NTRK3: variants seen among roughly 807,000 people sequenced by gnomAD.
The protein encoded by NTRK3 is neurotrophic receptor tyrosine kinase 3.
NTRK3 carries 24 observed loss-of-function variants against 91.7 expected under a neutral mutation model. The ratio of observed to expected loss-of-function variants is 0.26; its 90% CI spans 0.19 to 0.37. The LOEUF (loss-of-function observed/expected upper bound fraction) is 0.37, where lower values mean the gene tolerates loss of function less well. Ranked by LOEUF, NTRK3 falls within the 10% of genes least tolerant of loss-of-function variation. The probability of loss-of-function intolerance (pLI) is 1.00; values close to 1 mark genes in which losing one functional copy is unlikely to be tolerated. For synonymous variants in NTRK3, 483 were observed against 404.0 expected (o/e 1.20, Z -2.34); for missense variants, 880 against 1,068.9 (o/e 0.82, Z 2.46).
At chr15:87,864,245 G>C (rs1183004173) in exon 19 of NTRK3, 1 of 232,336 alleles carries the variant, frequency 4.3e-6, no homozygotes, top group Non-Finnish European at 8.5e-6. Context: ...TGAAGTGAGA[G>C]AAAAATAACA....
At chr15:88,166,379 CTT>C (rs1186721166) in intron 5 of NTRK3, among the ~76,000 whole-genome samples, 1 of 152,212 alleles carries the variant, frequency 6.6e-6, no homozygotes, top group African/African-American at 2.4e-5. Flanking sequence ...GCACCTAACT[CTT>C]TGCTTGTGCC....
intron 3 of NTRK3, among the ~76,000 whole-genome samples, chr15:88,251,431 C>T (rs969117223): frequency 2.6e-5 from 4 of 152,220 alleles, no homozygotes; most frequent in Non-Finnish European, 5.9e-5. Flanking sequence ...TGATGGAGCT[C>T]ACAGGGAGTT....
intron 13 of NTRK3, among the ~76,000 whole-genome samples, chr15:88,037,327 C>T (rs1382832438): frequency 6.6e-6 from 1 of 152,046 alleles, no homozygotes; most frequent in Admixed American, 6.6e-5. Context: ...TTTGGGAGGC[C>T]GAGGTGAGCA....
At chr15:87,902,506 A>T (rs1017105321) in intron 17 of NTRK3, among the ~76,000 whole-genome samples, 3 of 152,212 alleles carry the variant, frequency 2.0e-5, no homozygotes, top group African/African-American at 7.2e-5. Flanking sequence ...ACAAAGAGAG[A>T]GGCAGAGAAT....
At chr15:87,933,058 T>C in exon 16 of NTRK3, 1 of 1,614,108 alleles carries the variant, frequency 6.2e-7, no homozygotes, top group African/African-American at 1.3e-5. Flanking sequence ...TCAAAGACCA[T>C]GATGAGGGGG....
chr15:88,198,598 G>T (rs1266690968), intron 3 of NTRK3, among the ~76,000 whole-genome samples: 1 of 152,208 alleles, frequency 6.6e-6, no homozygotes, highest in African/African-American at 2.4e-5. Flanking sequence ...GGCATTATCT[G>T]CCTGGCTTCC....
intron 15 of NTRK3, 108 bp downstream of exon 15, chr15:87,940,515 G>A: frequency 6.4e-7 from 1 of 1,557,756 alleles, no homozygotes; most frequent in Non-Finnish European, 8.8e-7. Context: ...GATTGCATCT[G>A]AGAAAGCCAA....
intron 3 of NTRK3, among the ~76,000 whole-genome samples, chr15:88,225,868 T>C (rs2050627509): frequency 6.6e-6 from 1 of 151,828 alleles, no homozygotes; most frequent in African/African-American, 2.4e-5. Context: ...TTCCTGGGGG[T>C]CCGATAGGCT....
chr15:87,870,139 C>G (rs2064786741), exon 19 of NTRK3: 1 of 184,394 alleles, frequency 5.4e-6, no homozygotes, highest in South Asian at 2.0e-4. Context: ...GTGGAATCAA[C>G]CCAAATGCCC....
intron 14 of NTRK3, among the ~76,000 whole-genome samples, chr15:87,973,831 C>G (rs975687584): frequency 1.3e-5 from 2 of 152,252 alleles, no homozygotes; most frequent in East Asian, 1.9e-4. Flanking sequence ...CCCCTCTCCC[C>G]CTCCCTGTCT....
At chr15:88,246,723 C>T (rs2052862928) in intron 3 of NTRK3, among the ~76,000 whole-genome samples, 1 of 152,238 alleles carries the variant, frequency 6.6e-6, no homozygotes, top group African/African-American at 2.4e-5. Flanking sequence ...GCCCAGCCAC[C>T]TCCTTCCCAG....
intron 13 of NTRK3, among the ~76,000 whole-genome samples, chr15:88,116,581 G>A (rs1428440351): frequency 6.6e-6 from 1 of 152,178 alleles, no homozygotes; most frequent in East Asian, 1.9e-4. Context: ...CCAGGTCGCA[G>A]GCCTGAAGTA....
chr15:88,062,537 G>A (rs1439516428), intron 13 of NTRK3, among the ~76,000 whole-genome samples: 1 of 152,146 alleles, frequency 6.6e-6, no homozygotes, highest in Non-Finnish European at 1.5e-5. Context: ...CTGATGCAAT[G>A]GCTGGAGCCC....
At chr15:88,111,385 C>T (rs554998033) in intron 13 of NTRK3, among the ~76,000 whole-genome samples, 68 of 152,300 alleles carry the variant, frequency 4.5e-4, no homozygotes, top group African/African-American at 1.6e-3. Flanking sequence ...AGGGCCAGGA[C>T]CAGGGCCAAA....
At chr15:88,205,507 G>T (rs2048670647) in intron 3 of NTRK3, among the ~76,000 whole-genome samples, 1 of 152,228 alleles carries the variant, frequency 6.6e-6, no homozygotes, top group East Asian at 1.9e-4. Context: ...TTCCTAGGAG[G>T]CTACAAACTT....
At chr15:88,228,361 G>A (rs1341914167) in intron 3 of NTRK3, among the ~76,000 whole-genome samples, 1 of 152,096 alleles carries the variant, frequency 6.6e-6, no homozygotes, top group Non-Finnish European at 1.5e-5. Flanking sequence ...CTGGCTGTCT[G>A]CTACTTCCAA....
At chr15:87,916,781 A>G (rs920992323) in intron 17 of NTRK3, among the ~76,000 whole-genome samples, 14 of 144,718 alleles carry the variant, frequency 9.7e-5, no homozygotes, top group African/African-American at 3.3e-4. Context: ...TTTTTTTTTT[A>G]GACAGAGTCT....
chr15:87,993,981 G>A (rs1310014330), intron 14 of NTRK3, among the ~76,000 whole-genome samples: 1 of 152,128 alleles, frequency 6.6e-6, no homozygotes, highest in Non-Finnish European at 1.5e-5. Context: ...AAAGTAAAAA[G>A]GAAAAGAGAG....
intron 13 of NTRK3, among the ~76,000 whole-genome samples, chr15:88,087,729 C>T (rs532744535): frequency 3.2e-4 from 48 of 152,308 alleles, no homozygotes; most frequent in South Asian, 4.1e-4. Flanking sequence ...GCATATGCAA[C>T]GTCACAACCT....
Sources: allele counts gnomAD v4.1 joint callset (sites outside exome capture counted in the v4.1 genomes callset), GRCh38; gene constraint gnomAD v4.1.1; transcripts MANE v1.5; gene names NCBI Gene and HGNC (gene_info 2026-07-23, HGNC 2026-07-21).